ADAMTS2: variants seen among roughly 807,000 people sequenced by gnomAD.
ADAMTS2 encodes A disintegrin and metalloproteinase with thrombospondin motifs 2.
Under a neutral mutation model 123.0 loss-of-function variants are expected in ADAMTS2, and 50 were observed. The observed-to-expected ratio is 0.41, with a 90% confidence interval of 0.32 to 0.51. The LOEUF is 0.51. Among genes scored for constraint, ADAMTS2 ranks in the 20% least tolerant of loss-of-function variants. The pLI is 0.35. For missense variants in ADAMTS2, 1,494 were observed against 1,705.2 expected (o/e 0.88, Z 2.18); for synonymous variants, 678 against 695.4 (o/e 0.98, Z 0.39).
At chr5:179,278,822 A>C (rs746668121) in intron 2 of ADAMTS2, among the ~76,000 whole-genome samples, 2 of 151,804 alleles carry the variant, frequency 1.3e-5, no homozygotes, top group African/African-American at 2.4e-5. Context: ...GATCCTGGTG[A>C]GTTACACAAC....
At position 179,124,993 on chromosome 5, in the gene ADAMTS2, G is replaced by T; in HGVS notation, c.2938C>A (p.Arg980=). The part of the protein sequence containing the change: ...CSRELCPGRW[R]AGPWSQCSVT... ...CGTACCTGGGACCAGGGCCCGGCTC[G>T]CCAACGACCAGGGCAGAGCTCGCGG... Residue 980 remains arginine (R), a synonymous_variant, in exon 19 of 22, where the codon CGA becomes AGA. Coordinates refer to ENST00000251582, the MANE Select transcript of ADAMTS2 (RefSeq NM_014244.5). 1 of 1,605,440 alleles carries T rather than the reference G, an allele frequency of 6.2e-7. No homozygotes were observed. Among genetic ancestry groups the T allele is most frequent in the South Asian group, 1.1e-5 (1 of 90,248 alleles).
chr5:179,121,669 A>T lies in ADAMTS2; in HGVS notation c.3170T>A (p.Ile1057Asn). 6.2e-7 allele frequency: 1 copy of T among 1,600,850 alleles called. No homozygotes were observed. Among genetic ancestry groups the T allele is most frequent in the Non-Finnish European group, 8.5e-7 (1 of 1,173,550 alleles). ...RPDPDSPIRK[I>N]SSKGHCQGDK... is the part of the protein sequence containing the mutation. Reference sequence around the variant, plus strand: ...ATAAACGGGTCGGTTACTTGACGAGATCTTCCGGATGGGCGAGTCGGGGTC... The same window carrying T: ...ATAAACGGGTCGGTTACTTGACGAGTTCTTCCGGATGGGCGAGTCGGGGTC... The change falls in exon 21 of 22, where the codon ATC becomes AAC. Residue 1057 changes from isoleucine to asparagine, a missense_variant. Physicochemically the swap from Ile to Asn is moderately radical, Grantham distance 149 (BLOSUM62 -3). Around this residue, in one of 6 missense-constraint regions of ADAMTS2, gnomAD observed 953 missense variants for 1,124.7 expected, o/e 0.85. Transcript: ENST00000251582.
intron 10 of ADAMTS2, among the ~76,000 whole-genome samples, chr5:179,149,272 G>T (rs1275248280): frequency 6.6e-6 from 1 of 152,206 alleles, no homozygotes; most frequent in Non-Finnish European, 1.5e-5. Flanking sequence ...TCCCTGCCAT[G>T]TGAGGAGACC....
intron 3 of ADAMTS2, among the ~76,000 whole-genome samples, chr5:179,247,542 G>C (rs1204953055): frequency 1.3e-5 from 2 of 152,284 alleles, no homozygotes; most frequent in East Asian, 3.9e-4. Flanking sequence ...ATGACTCCAA[G>C]TTTGAAAACT....
chr5:179,343,723 G>C, intron 2 of ADAMTS2, 44 bp downstream of exon 2: 1 of 1,594,118 alleles, frequency 6.3e-7, no homozygotes, highest in Non-Finnish European at 8.5e-7. Flanking sequence ...CAAAACCCAG[G>C]CGAGAGCAGC....
chr5:179,302,029 G>T (rs1041208430), intron 2 of ADAMTS2, among the ~76,000 whole-genome samples: 1 of 152,206 alleles, frequency 6.6e-6, no homozygotes, highest in African/African-American at 2.4e-5. Context: ...CAGAGGAACT[G>T]CAAGCCAGTC....
At chr5:179,207,272 T>C (rs1220240892) in intron 4 of ADAMTS2, among the ~76,000 whole-genome samples, 1 of 152,192 alleles carries the variant, frequency 6.6e-6, no homozygotes, top group Non-Finnish European at 1.5e-5. Flanking sequence ...CCTTAGCCTG[T>C]GAAGAGCCTC....
chr5:179,278,253 G>A (rs1449174302), intron 2 of ADAMTS2, among the ~76,000 whole-genome samples: 2 of 150,448 alleles, frequency 1.3e-5, no homozygotes, highest in South Asian at 2.1e-4. Context: ...GGGGCGGGGG[G>A]CACTTCACGG....
chr5:179,339,450 T>C (rs772953011), intron 2 of ADAMTS2, among the ~76,000 whole-genome samples: 6 of 152,184 alleles, frequency 3.9e-5, no homozygotes, highest in Non-Finnish European at 8.8e-5. Context: ...AAGCCAACAC[T>C]CCTCAGGACC....
At chr5:179,204,988 A>G (rs1211421606) in intron 4 of ADAMTS2, among the ~76,000 whole-genome samples, 1 of 152,258 alleles carries the variant, frequency 6.6e-6, no homozygotes, top group African/African-American at 2.4e-5. Flanking sequence ...CTTGTCTCCT[A>G]AAACGGTTTC....
intron 3 of ADAMTS2, among the ~76,000 whole-genome samples, chr5:179,241,619 A>C (rs1765673535): frequency 6.6e-6 from 1 of 152,260 alleles, no homozygotes; most frequent in Admixed American, 6.5e-5. Flanking sequence ...GCCTTCTTGA[A>C]GAAGTTTCCT....
intron 3 of ADAMTS2, among the ~76,000 whole-genome samples, chr5:179,210,300 G>T (rs76291112): frequency 0.038 from 5,836 of 152,342 alleles, 167 homozygotes; most frequent in Non-Finnish European, 0.063. Flanking sequence ...CCGTAGGAGG[G>T]CATGGGTGCC....
chr5:179,166,429 G>A (rs1037530506), intron 5 of ADAMTS2, among the ~76,000 whole-genome samples: 2 of 152,224 alleles, frequency 1.3e-5, no homozygotes, highest in Admixed American at 6.5e-5. Flanking sequence ...CCTTGGGTCA[G>A]AAGGTCACTT....
chr5:179,342,497 A>G (rs1757804274), intron 2 of ADAMTS2, among the ~76,000 whole-genome samples: 1 of 152,226 alleles, frequency 6.6e-6, no homozygotes, highest in East Asian at 1.9e-4. Context: ...GCAACAAGTG[A>G]TATTTTCTGT....
chr5:179,150,495 G>A (rs960507635), intron 10 of ADAMTS2, among the ~76,000 whole-genome samples: 3 of 152,274 alleles, frequency 2.0e-5, no homozygotes, highest in African/African-American at 7.2e-5. Context: ...CGTGACTCAC[G>A]ACGGCCAAAA....
At chr5:179,165,299 C>T (rs1763675428) in intron 5 of ADAMTS2, among the ~76,000 whole-genome samples, 1 of 152,218 alleles carries the variant, frequency 6.6e-6, no homozygotes, top group African/African-American at 2.4e-5. Context: ...ACTGTGCTTC[C>T]CCTGAGCGAG....
chr5:179,192,388 T>C (rs1453212322), intron 4 of ADAMTS2, among the ~76,000 whole-genome samples: 3 of 152,232 alleles, frequency 2.0e-5, no homozygotes, highest in Non-Finnish European at 2.9e-5. Context: ...CCAGCGCCTC[T>C]TGGGCTTGGC....
chr5:179,344,457 T>G (rs527962577), intron 1 of ADAMTS2, among the ~76,000 whole-genome samples: 2 of 152,102 alleles, frequency 1.3e-5, no homozygotes, highest in South Asian at 4.2e-4. Context: ...GGTGGGAACC[T>G]CCCCGTGCCC....
At chr5:179,340,337 C>T (rs1016471426) in intron 2 of ADAMTS2, among the ~76,000 whole-genome samples, 2 of 152,148 alleles carry the variant, frequency 1.3e-5, no homozygotes, top group African/African-American at 4.8e-5. Flanking sequence ...AGCTGCAGTC[C>T]CCCACCAGTG....
Sources: allele counts gnomAD v4.1 joint callset (sites outside exome capture counted in the v4.1 genomes callset), GRCh38; gene constraint gnomAD v4.1.1; regional missense constraint gnomAD v4.1.1; transcripts MANE v1.5; gene names NCBI Gene and HGNC (gene_info 2026-07-23, HGNC 2026-07-21).